Variants in KIAA1549L observed in about 807,000 individuals in gnomAD.
KIAA1549L encodes KIAA1549 like.
Under a neutral mutation model 160.7 loss-of-function variants are expected in KIAA1549L, and 88 were observed. The observed-to-expected ratio is 0.55, with a 90% CI of 0.46 to 0.65. KIAA1549L has a LOEUF of 0.65. Ranked by LOEUF, KIAA1549L falls within the 30% of genes least tolerant of loss-of-function variation. The pLI is 0.00. For missense variants in KIAA1549L, 2,258 were observed against 2,437.5 expected, an observed-to-expected ratio of 0.93 and a Z score of 1.55; for synonymous variants, 950 against 976.7, an observed-to-expected ratio of 0.97 and a Z score of 0.51.
chr11:33,530,404 G>A (rs1853713028), intron 1 of KIAA1549L, among the ~76,000 whole-genome samples: 1 of 50,492 alleles, frequency 2.0e-5, no homozygotes, highest in African/African-American at 7.3e-5. Context: ...TCCGTCTAAA[G>A]AAGAAGAAGG....
intron 1 of KIAA1549L, among the ~76,000 whole-genome samples, chr11:33,488,629 T>C (rs1230033107): frequency 2.0e-5 from 3 of 152,166 alleles, no homozygotes; most frequent in African/African-American, 7.2e-5. Context: ...TTGAGGCACA[T>C]AAAGGTTAAT....
intron 10 of KIAA1549L, among the ~76,000 whole-genome samples, chr11:33,578,110 GTGAA>G (rs1439213434): frequency 6.6e-6 from 1 of 152,224 alleles, no homozygotes; most frequent in East Asian, 1.9e-4. Flanking sequence ...GTGAGCAGCT[GTGAA>G]TGGAGTGTCA....
rs368632211 is a variant in KIAA1549L at position 33,543,448 on chromosome 11, A to G, written c.1885A>G (p.Ile629Val). The G allele has an allele frequency of 3.1e-6, 5 of 1,613,822 alleles. No homozygotes were observed. In the African/African-American group the frequency reaches 6.7e-5, roughly 22 times the overall value. ...PLPSGPPLPS[I>V]LSIQATQTVF... ...TCCTTCAGGACCACCTCTACCTTCC[A>G]TACTCTCCATACAAGCCACCCAGAC... Residue 629 changes from isoleucine to valine, a missense_variant, in exon 2 of 21, where the codon ATA (isoleucine) becomes GTA (valine). Ile to Val is a conservative substitution (Grantham distance 29). Transcript: ENST00000658780.
At chr11:33,645,630 A>C (rs954100806) in intron 16 of KIAA1549L, 56 bp from the exon 17 acceptor site, 8 of 1,270,610 alleles carry the variant, frequency 6.3e-6, no homozygotes, top group African/African-American at 1.5e-5. Context: ...TAAATTACAG[A>C]GCACCTTCAC....
intron 18 of KIAA1549L, among the ~76,000 whole-genome samples, chr11:33,656,586 T>A (rs1852072513): frequency 6.6e-6 from 1 of 152,218 alleles, no homozygotes; most frequent in African/African-American, 2.4e-5. Flanking sequence ...ATGTTAAGCA[T>A]GTTCTTTGCT....
Position 33,645,712 on chromosome 11 carries a change from C to T in KIAA1549L, c.5436C>T (p.Thr1812=), listed in dbSNP as rs1851698527. 6.2e-7 allele frequency: 1 copy of T among 1,613,630 alleles called. No homozygotes were observed. Among genetic ancestry groups the T allele is most frequent in the Non-Finnish European group, 8.5e-7 (1 of 1,179,696 alleles). ...CTGAGCCTGAAATCATAGAGGAAAC[C>T]AACATTGACAGAGTTCCTGAGCCCC... ...YDTEPEIIEE[T]NIDRVPEPRG... Residue 1812 remains threonine, a synonymous_variant, in exon 17 of 21, where the codon ACC becomes ACT. Transcript: ENST00000658780.
intron 1 of KIAA1549L, among the ~76,000 whole-genome samples, chr11:33,435,473 C>T (rs1851333480): frequency 6.6e-6 from 1 of 151,812 alleles, no homozygotes; most frequent in South Asian, 2.1e-4. Flanking sequence ...GTAAATCACA[C>T]ATGTATTATA....
At chr11:33,548,384 G>A (rs1854337643) in intron 4 of KIAA1549L, among the ~76,000 whole-genome samples, 1 of 152,206 alleles carries the variant, frequency 6.6e-6, no homozygotes, top group African/African-American at 2.4e-5. Flanking sequence ...GGGTGACAGA[G>A]CGAGTCTCTG....
At chr11:33,465,269 C>G (rs189587270) in intron 1 of KIAA1549L, among the ~76,000 whole-genome samples, 274 of 152,064 alleles carry the variant, frequency 1.8e-3, no homozygotes, top group African/African-American at 6.1e-3. Flanking sequence ...AGCCAGGCTA[C>G]TCTCAAACTC....
intron 1 of KIAA1549L, among the ~76,000 whole-genome samples, chr11:33,503,612 TAA>T (rs1203025694): frequency 6.6e-6 from 1 of 152,236 alleles, no homozygotes; most frequent in Admixed American, 6.5e-5. Context: ...ATTTATCACA[TAA>T]GTCTATTTAA....
chr11:33,458,237 A>G (rs1228305342), intron 1 of KIAA1549L, among the ~76,000 whole-genome samples: 1 of 152,228 alleles, frequency 6.6e-6, no homozygotes, highest in Non-Finnish European at 1.5e-5. Context: ...AAGCTGGACT[A>G]CCATCATGAA....
chr11:33,497,397 A>G (rs1590289236), intron 1 of KIAA1549L, among the ~76,000 whole-genome samples: 4 of 152,300 alleles, frequency 2.6e-5, no homozygotes, highest in Admixed American at 2.6e-4. Flanking sequence ...CTAGAAAACT[A>G]AAAAGTCATT....
chr11:33,509,312 C>G (rs1311423388), intron 1 of KIAA1549L, among the ~76,000 whole-genome samples: 2 of 152,188 alleles, frequency 1.3e-5, no homozygotes, highest in East Asian at 3.8e-4. Flanking sequence ...TGCATTTTAC[C>G]TCTAGAGAGC....
In KIAA1549L at chr11:33,589,015, C is replaced by T. The variant is rs148350972; in HGVS notation, c.4567-2222C>T. Among the ~76,000 whole-genome samples the T allele has an allele frequency of 3.6e-3, 544 of 152,236 alleles. 2 individuals carry two copies. Among genetic ancestry groups the T allele is most frequent in the African/African-American group, 0.013 (531 of 41,540 alleles). The stretch of plus-strand genomic sequence containing the variant: ...CAGTTCTAGACTGGATTGTTAAATC[C>T]GCTGGAACCTTCCTGTTGTATCTCT... On this transcript the variant is annotated intron_variant, in intron 11 of 20. Coordinates refer to ENST00000658780, the MANE Select transcript of KIAA1549L (RefSeq NM_012194.3).
chr11:33,549,239 T>C (rs1332864615), intron 4 of KIAA1549L, among the ~76,000 whole-genome samples: 1 of 152,168 alleles, frequency 6.6e-6, no homozygotes, highest in African/African-American at 2.4e-5. Context: ...ATCAAAATCA[T>C]TTGCCACAAA....
chr11:33,653,091 C>T (rs903007245), intron 17 of KIAA1549L, among the ~76,000 whole-genome samples: 1 of 152,210 alleles, frequency 6.6e-6, no homozygotes, highest in African/African-American at 2.4e-5. Flanking sequence ...CCTGAGTTGC[C>T]TTACTCCTTG....
chr11:33,522,291 A>T (rs1853513855), intron 1 of KIAA1549L, among the ~76,000 whole-genome samples: 1 of 152,226 alleles, frequency 6.6e-6, no homozygotes, highest in South Asian at 2.1e-4. Flanking sequence ...ACAAATCTTG[A>T]AATAGTGATA....
At chr11:33,428,009 G>A (rs2761200) in intron 1 of KIAA1549L, among the ~76,000 whole-genome samples, 43,765 of 151,970 alleles carry the variant, frequency 0.29, 6,515 homozygotes, top group East Asian at 0.47. Context: ...TTGCTTATCA[G>A]TTCGTCCACT....
Position 33,559,779 on chromosome 11 carries a change from G to A in KIAA1549L, c.3886G>A (p.Val1296Ile). ...IVSTSNASQA[V>I]TLVYVVGNQS... Reference sequence around the variant, plus strand: ...GAGCACGTCCAATGCCTCCCAGGCAGTCACCTTGGTGTACGTCGTGGGCAA... The same window carrying A: ...GAGCACGTCCAATGCCTCCCAGGCAATCACCTTGGTGTACGTCGTGGGCAA... The change falls in exon 7 of 21, where the codon GTC becomes ATC. Residue 1296 changes from valine to isoleucine, a missense_variant. By Grantham distance (29) the Val-to-Ile change is conservative. This residue lies in a region of KIAA1549L where 1,359 missense variants were observed against 1,546.6 expected (regional missense o/e 0.88). Transcript: ENST00000658780. 6.2e-7 allele frequency: 1 copy of A among 1,613,974 alleles called. No individual in the cohort carries two copies. The highest frequency in any genetic ancestry group is 8.5e-7 in the Non-Finnish European group (1 of 1,179,874).
Sources: gnomAD v4.1 joint callset for allele counts (sites outside exome capture counted in the v4.1 genomes callset) on GRCh38, gnomAD v4.1.1 for gene constraint, gnomAD v4.1.1 regional missense constraint, MANE v1.5 for transcripts, NCBI Gene and HGNC (gene_info 2026-07-23, HGNC 2026-07-21) for gene names.